IFT88: variants seen among roughly 807,000 people sequenced by gnomAD.
IFT88 encodes intraflagellar transport 88, also known as intraflagellar transport protein 88 homolog.
IFT88 carries 74 observed loss-of-function variants against 119.5 expected under a neutral mutation model. The ratio of observed to expected loss-of-function variants is 0.62; its 90% CI spans 0.51 to 0.75. IFT88 has a LOEUF of 0.75. IFT88 is among the 30% of genes least tolerant of loss of function. The probability of loss-of-function intolerance (pLI) is 0.00; values close to 1 mark genes in which losing one functional copy is unlikely to be tolerated. For synonymous variants in IFT88, 279 were observed against 316.7 expected, an observed-to-expected ratio of 0.88 and a Z score of 1.26; for missense variants, 961 against 977.7, an observed-to-expected ratio of 0.98 and a Z score of 0.23.
chr13:20,591,270 G>T (rs1332492160), intron 5 of IFT88, among the ~76,000 whole-genome samples: 1 of 152,094 alleles, frequency 6.6e-6, no homozygotes, highest in African/African-American at 2.4e-5. Context: ...ACTGATAATT[G>T]CTTATATGAT....
At chr13:20,680,849 ATTTCCCAACTCG>A (rs1395495819) in intron 24 of IFT88, among the ~76,000 whole-genome samples, 2 of 151,970 alleles carry the variant, frequency 1.3e-5, no homozygotes, top group African/African-American at 4.8e-5. Flanking sequence ...TATTTTACCT[ATTTCCCAACTCG>A]TTGTTATCGA....
At chr13:20,655,113 T>C (rs1299183793) in intron 21 of IFT88, among the ~76,000 whole-genome samples, 2 of 152,224 alleles carry the variant, frequency 1.3e-5, no homozygotes, top group Admixed American at 1.3e-4. Context: ...TAAAATAAAT[T>C]GCTTTCTATA....
chr13:20,611,047 A>G (rs1222294826), intron 13 of IFT88, among the ~76,000 whole-genome samples: 1 of 151,888 alleles, frequency 6.6e-6, no homozygotes, highest in East Asian at 1.9e-4. Context: ...AGCCGTGATC[A>G]TGCCACTGCA....
At chr13:20,641,477 A>G in intron 18 of IFT88, 79 bp downstream of exon 18, 2 of 810,938 alleles carry the variant, frequency 2.5e-6, no homozygotes, top group Non-Finnish European at 4.1e-6. Context: ...AATAAGTTTA[A>G]CTAATGAAGT....
At chr13:20,645,889 A>G (rs750441192) in intron 20 of IFT88, among the ~76,000 whole-genome samples, 1 of 152,248 alleles carries the variant, frequency 6.6e-6, no homozygotes, top group Non-Finnish European at 1.5e-5. Context: ...TTTATTTCAC[A>G]TAAATTTCTT....
chr13:20,585,369 A>G (rs1412687844), intron 3 of IFT88, among the ~76,000 whole-genome samples: 1 of 152,236 alleles, frequency 6.6e-6, no homozygotes, highest in Admixed American at 6.5e-5. Flanking sequence ...CCAAGGGAAG[A>G]GATGCATAGA....
chr13:20,671,148 G>T, intron 24 of IFT88, 109 bp downstream of exon 24: 1 of 746,080 alleles, frequency 1.3e-6, no homozygotes. Context: ...CTGTCGGTTT[G>T]TTCTATACAC....
intron 15 of IFT88, among the ~76,000 whole-genome samples, chr13:20,629,209 A>G (rs1292654137): frequency 2.0e-5 from 3 of 152,212 alleles, no homozygotes; most frequent in Admixed American, 6.5e-5. Context: ...GACTATCTCA[A>G]TTCTTATTTA....
At chr13:20,659,777 G>T (rs917889486) in intron 22 of IFT88, among the ~76,000 whole-genome samples, 1 of 151,954 alleles carries the variant, frequency 6.6e-6, no homozygotes, top group South Asian at 2.1e-4. Flanking sequence ...CCAAGTAGCT[G>T]GGATTACAGG....
chr13:20,625,615 A>T, intron 14 of IFT88, 135 bp from the exon 15 acceptor site: 1 of 549,232 alleles, frequency 1.8e-6, no homozygotes, highest in Non-Finnish European at 3.2e-6. Context: ...CCTGTGTTGG[A>T]GCAAATCGAG....
rs1299266664 is a variant in IFT88, at chr13:20,597,078, G to A, written c.553G>A (p.Val185Ile). ...AGTCCTGGTGAGACAGCGAGAACAAGTTACAACTCCAGAAAATATCAATTT... is the reference window on the plus strand; with the variant it reads ...AGTCCTGGTGAGACAGCGAGAACAAATTACAACTCCAGAAAATATCAATTT... ...ERVLVRQREQ[V>I]TTPENINLDL... The change falls in exon 9 of 26, where the codon GTT becomes ATT. Residue 185 changes from valine to isoleucine, a missense_variant. Transcript: ENST00000351808. The A allele has an allele frequency of 3.1e-6, 5 of 1,606,642 alleles. No individual in the cohort carries two copies. In the Admixed American group the frequency reaches 5.1e-5, roughly 16 times the overall value.
chr13:20,614,817 C>CT (rs762297940), intron 13 of IFT88, among the ~76,000 whole-genome samples: 11,046 of 125,732 alleles, frequency 0.088, 916 homozygotes, highest in East Asian at 0.38. Flanking sequence ...TATTTCTTTT[C>CT]TTTTTTTTTT....
chr13:20,603,213 T>C (rs565021951), intron 12 of IFT88, among the ~76,000 whole-genome samples: 1 of 152,156 alleles, frequency 6.6e-6, no homozygotes, highest in African/African-American at 2.4e-5. Flanking sequence ...AGTTGAACTT[T>C]TAATAGATTT....
chr13:20,629,727 T>G (rs2047910710), intron 15 of IFT88, among the ~76,000 whole-genome samples: 1 of 152,220 alleles, frequency 6.6e-6, no homozygotes, highest in Non-Finnish European at 1.5e-5. Context: ...TGTCAGAGAT[T>G]TGCAACAACT....
chr13:20,680,639 C>T (rs1376049060), intron 24 of IFT88, among the ~76,000 whole-genome samples: 2 of 152,146 alleles, frequency 1.3e-5, no homozygotes, highest in Non-Finnish European at 2.9e-5. Flanking sequence ...TGGCTGTGCC[C>T]GACCAGTGTT....
chr13:20,634,721 C>G (rs2048736463), intron 16 of IFT88, among the ~76,000 whole-genome samples: 1 of 147,348 alleles, frequency 6.8e-6, no homozygotes, highest in East Asian at 1.9e-4. Context: ...GAACGAGACT[C>G]CATCTCAAAC....
chr13:20,599,587 A>G (rs1019675662), intron 11 of IFT88, 22 bp downstream of exon 11: 1 of 1,033,778 alleles, frequency 9.7e-7, no homozygotes, highest in Non-Finnish European at 1.5e-6. Context: ...ACAATAGATA[A>G]TAATTGTAAA....
chr13:20,656,958 A>G (rs2052914940), intron 22 of IFT88, among the ~76,000 whole-genome samples: 1 of 152,138 alleles, frequency 6.6e-6, no homozygotes, highest in Non-Finnish European at 1.5e-5. Context: ...TCCTGAGTTC[A>G]AGTGATTCTC....
chr13:20,626,805 G>A (rs959903433), intron 15 of IFT88, among the ~76,000 whole-genome samples: 2 of 152,148 alleles, frequency 1.3e-5, no homozygotes, highest in African/African-American at 2.4e-5. Flanking sequence ...ACAGAATGAC[G>A]TGATGTCCTA....
Sources: gnomAD v4.1 joint callset for allele counts (sites outside exome capture counted in the v4.1 genomes callset) on GRCh38, gnomAD v4.1.1 for gene constraint, MANE v1.5 for transcripts, NCBI Gene and HGNC (gene_info 2026-07-23, HGNC 2026-07-21) for gene names.